Variants in TOMM70 observed in about 807,000 individuals in gnomAD.
TOMM70 encodes the protein mitochondrial import receptor subunit TOM70.
TOMM70 carries 13 observed loss-of-function variants against 73.6 expected under a neutral mutation model. The observed-to-expected ratio is 0.18, with a 90% CI of 0.11 to 0.28. The LOEUF (loss-of-function observed/expected upper bound fraction) is 0.28, where lower values mean the gene tolerates loss of function less well. TOMM70 is among the 10% of genes least tolerant of loss of function. The pLI is 1.00. For synonymous variants in TOMM70, 257 were observed against 271.2 expected (o/e 0.95, Z 0.51); for missense variants, 609 against 747.5 (o/e 0.81, Z 2.16).
intron 6 of TOMM70, 143 bp downstream of exon 6, chr3:100,377,562 A>G: frequency 1.4e-6 from 1 of 690,874 alleles, no homozygotes; most frequent in South Asian, 1.9e-5. Context: ...CACCAACTAC[A>G]TTATTATTAA....
At chr3:100,373,809 AG>A in intron 7 of TOMM70, 164 bp from the exon 8 acceptor site, 2 of 511,462 alleles carry the variant, frequency 3.9e-6, no homozygotes, top group South Asian at 2.7e-5. Flanking sequence ...GAAATTTAAA[AG>A]GCAAGATTCC....
At chr3:100,398,859 T>C (rs1487973132) in intron 1 of TOMM70, among the ~76,000 whole-genome samples, 1 of 152,250 alleles carries the variant, frequency 6.6e-6, no homozygotes, top group Non-Finnish European at 1.5e-5. Flanking sequence ...AAATAGGTAA[T>C]GCTTCACTCT....
chr3:100,389,605 TA>T (rs977982992), intron 1 of TOMM70, among the ~76,000 whole-genome samples: 3 of 152,112 alleles, frequency 2.0e-5, no homozygotes, highest in African/African-American at 7.2e-5. Flanking sequence ...AGGTGAATAC[TA>T]AAAAATAAAA....
At chr3:100,390,765 G>A (rs1489443058) in intron 1 of TOMM70, among the ~76,000 whole-genome samples, 1 of 151,030 alleles carries the variant, frequency 6.6e-6, no homozygotes, top group Non-Finnish European at 1.5e-5. Context: ...GGAGGCAGAG[G>A]TTGTAGTGAG....
At chr3:100,373,162 C>T (rs1009865929) in intron 8 of TOMM70, among the ~76,000 whole-genome samples, 3 of 147,262 alleles carry the variant, frequency 2.0e-5, no homozygotes, top group Non-Finnish European at 1.5e-5. Flanking sequence ...AAAAAAACAA[C>T]CTTTTGAGCT....
In TOMM70 at chr3:100,386,796, A is replaced by G. The variant is rs1333840884; in HGVS notation, c.498+9T>C. 6.2e-7 allele frequency: 1 copy of G among 1,611,438 alleles called. No homozygotes were observed. The highest frequency in any genetic ancestry group is 8.5e-7 in the Non-Finnish European group (1 of 1,179,420). The stretch of plus-strand genomic sequence containing the variant: ...AAAAGGAACAGAAGAAACAACCTAG[A>G]GTACATACCAACTGTTCAAAGGCAG... On this transcript the variant is annotated intron_variant, in intron 2 of 11. Transcript: ENST00000284320.
chr3:100,384,839 A>G (rs1021956230), intron 3 of TOMM70, among the ~76,000 whole-genome samples: 5 of 152,184 alleles, frequency 3.3e-5, no homozygotes, highest in Admixed American at 1.3e-4. Context: ...GCTATGCTGC[A>G]TGATTTCTGA....
chr3:100,380,160 A>T (rs1025004853), intron 5 of TOMM70, among the ~76,000 whole-genome samples: 6 of 152,086 alleles, frequency 3.9e-5, no homozygotes, highest in Non-Finnish European at 8.8e-5. Context: ...AGCCTGGCCA[A>T]CATGGTGAAA....
intron 11 of TOMM70, among the ~76,000 whole-genome samples, chr3:100,366,855 A>C (rs1272618725): frequency 6.6e-6 from 1 of 152,264 alleles, no homozygotes; most frequent in Non-Finnish European, 1.5e-5. Flanking sequence ...CGCTCAAAAA[A>C]GATTAAGAAC....
chr3:100,387,587 GACACAGACACAGAC>G (rs1271949198), intron 1 of TOMM70, among the ~76,000 whole-genome samples: 22 of 107,728 alleles, frequency 2.0e-4, no homozygotes, highest in South Asian at 3.2e-4. Flanking sequence ...AAAAGACACA[GACACAGACACAGAC>G]ACACACACAC....
At chr3:100,383,944 A>G (rs1385447532) in intron 4 of TOMM70, among the ~76,000 whole-genome samples, 1 of 152,198 alleles carries the variant, frequency 6.6e-6, no homozygotes, top group African/African-American at 2.4e-5. Context: ...ATCCCTCCAA[A>G]ATGCCAAACA....
chr3:100,378,889 C>T (rs1370885478), intron 5 of TOMM70, among the ~76,000 whole-genome samples: 1 of 152,138 alleles, frequency 6.6e-6, no homozygotes, highest in Non-Finnish European at 1.5e-5. Flanking sequence ...TGCCTATAGT[C>T]CCAGCTACTC....
chr3:100,385,303 G>A (rs116203296), intron 3 of TOMM70, among the ~76,000 whole-genome samples: 1,692 of 152,252 alleles, frequency 0.011, 26 homozygotes, highest in African/African-American at 0.039. Flanking sequence ...TATTGTGTTA[G>A]TAACTTCAAG....
chr3:100,376,659 C>A (rs958609627), intron 6 of TOMM70, among the ~76,000 whole-genome samples: 2 of 151,642 alleles, frequency 1.3e-5, no homozygotes, highest in Non-Finnish European at 2.9e-5. Context: ...AGGTAACAAA[C>A]ATTTAGTCCT....
intron 1 of TOMM70, among the ~76,000 whole-genome samples, chr3:100,393,675 C>A (rs1706789385): frequency 6.6e-6 from 1 of 152,138 alleles, no homozygotes; most frequent in Admixed American, 6.5e-5. Flanking sequence ...TAGGAACATA[C>A]CCCTCAGCTC....
chr3:100,371,227 T>C (rs930294289), intron 9 of TOMM70, among the ~76,000 whole-genome samples: 34 of 150,740 alleles, frequency 2.3e-4, no homozygotes, highest in Non-Finnish European at 4.6e-4. Context: ...TCCTTAAGAA[T>C]GGTTTAAGGA....
intron 1 of TOMM70, among the ~76,000 whole-genome samples, chr3:100,399,171 A>G (rs1157912363): frequency 6.6e-6 from 1 of 151,818 alleles, no homozygotes; most frequent in East Asian, 1.9e-4. Flanking sequence ...AGTCCCAGCT[A>G]TTCCGGAGGC....
intron 1 of TOMM70, among the ~76,000 whole-genome samples, chr3:100,399,091 G>A (rs1706858013): frequency 6.6e-6 from 1 of 152,104 alleles, no homozygotes; most frequent in African/African-American, 2.4e-5. Flanking sequence ...AGACCAGCCT[G>A]GCCAACACAG....
Position 100,386,117 on chromosome 3 carries a change from AAAC to A in TOMM70, c.625+98_625+100del. On this transcript the variant is annotated intron_variant, in intron 3 of 11. Coordinates refer to ENST00000284320, the MANE Select transcript of TOMM70 (RefSeq NM_014820.5). ...AAGTGCAAAGGAATCCAACTTTTAA[AAAC>A]AACTGATTCTTGCACTCACAAGGCA... is the stretch of plus-strand genomic sequence containing the variant. 3 of 1,369,402 alleles carry A rather than the reference AAAC, an allele frequency of 2.2e-6. No homozygotes were observed. The South Asian group carries it at 4.7e-5, about 22-fold the overall frequency. The allele number at this position is 1,369,402 out of a possible 1,614,324, so 84.8% of individuals were successfully genotyped here.
Sources: gnomAD v4.1 joint callset for allele counts (sites outside exome capture counted in the v4.1 genomes callset) on GRCh38, gnomAD v4.1.1 for gene constraint, MANE v1.5 for transcripts, NCBI Gene and HGNC (gene_info 2026-07-23, HGNC 2026-07-21) for gene names.